The following ARHGEF7 variants were observed in gnomAD, a reference collection of about 807,000 sequenced individuals.
ARHGEF7 encodes the protein PAK-interacting exchange factor beta.
ARHGEF7 carries 33 observed loss-of-function variants against 109.8 expected under a neutral mutation model. The ratio of observed to expected loss-of-function variants is 0.30; its 90% CI spans 0.23 to 0.40. The LOEUF (loss-of-function observed/expected upper bound fraction) is 0.40, where lower values mean the gene tolerates loss of function less well. Among genes scored for constraint, ARHGEF7 ranks in the 10% least tolerant of loss-of-function variants. The pLI, the probability that ARHGEF7 is intolerant of heterozygous loss-of-function variation, is 1.00. For missense variants in ARHGEF7, 938 were observed against 1,098.5 expected, an observed-to-expected ratio of 0.85 and a Z score of 2.07; for synonymous variants, 458 against 424.6, an observed-to-expected ratio of 1.08 and a Z score of -0.97.
intron 5 of ARHGEF7, 101 bp from the exon 6 acceptor site, chr13:111,233,104 C>G (rs2086323982): frequency 2.0e-6 from 2 of 992,888 alleles, no homozygotes; most frequent in Non-Finnish European, 3.2e-6. Flanking sequence ...CTTGTTAATT[C>G]AGTGAGGCTG....
At chr13:111,151,656 G>T (rs1454525735) in intron 1 of ARHGEF7, among the ~76,000 whole-genome samples, 5 of 152,150 alleles carry the variant, frequency 3.3e-5, no homozygotes, top group African/African-American at 1.2e-4. Context: ...TTGAACTCAT[G>T]GCCAACAGCA....
intron 13 of ARHGEF7, among the ~76,000 whole-genome samples, chr13:111,279,050 C>T (rs1338920093): frequency 1.3e-5 from 2 of 152,210 alleles, no homozygotes; most frequent in South Asian, 2.1e-4. Context: ...AAAAAGTGTT[C>T]GGTCCAGCCA....
At chr13:111,231,012 A>G (rs1018747926) in intron 5 of ARHGEF7, among the ~76,000 whole-genome samples, 2 of 152,212 alleles carry the variant, frequency 1.3e-5, no homozygotes, top group Non-Finnish European at 2.9e-5. Flanking sequence ...CTTAAGTTTA[A>G]AATAACACAG....
At chr13:111,170,073 C>G (rs1464132689) in intron 2 of ARHGEF7, among the ~76,000 whole-genome samples, 3 of 152,170 alleles carry the variant, frequency 2.0e-5, no homozygotes, top group Non-Finnish European at 4.4e-5. Flanking sequence ...AGGATTTGCT[C>G]TCACAGCCAA....
chr13:111,294,947 A>G (rs2093393259), intron 19 of ARHGEF7: 1 of 985,134 alleles, frequency 1.0e-6, no homozygotes, highest in Non-Finnish European at 1.2e-6. Context: ...AAACACAGTA[A>G]TGTGTATATA....
At chr13:111,176,053 A>G (rs2078128646) in intron 2 of ARHGEF7, among the ~76,000 whole-genome samples, 1 of 152,158 alleles carries the variant, frequency 6.6e-6, no homozygotes, top group Non-Finnish European at 1.5e-5. Flanking sequence ...GGGCCCTCCC[A>G]TGACACGCAG....
At position 111,267,512 on chromosome 13, in the gene ARHGEF7, C is replaced by T. The variant is rs776973162; in HGVS notation, c.951-36C>T. The T allele has an allele frequency of 5.6e-6, 9 of 1,611,782 alleles. No individual in the cohort carries two copies. The South Asian group carries it at 8.8e-5, about 16-fold the overall frequency. On this transcript the variant is annotated intron_variant, in intron 8 of 21. Coordinates refer to ENST00000646102, the MANE Select transcript of ARHGEF7 (RefSeq NM_001354046.2). Reference sequence around the variant, plus strand: ...GTTAGCAGTTGTCCTGTCTGTAAAACTGATGACTATTTCCCTTTGTGTCGC... The same window carrying T: ...GTTAGCAGTTGTCCTGTCTGTAAAATTGATGACTATTTCCCTTTGTGTCGC...
At chr13:111,133,751 A>C (rs2074910114) in intron 1 of ARHGEF7, among the ~76,000 whole-genome samples, 3 of 124,216 alleles carry the variant, frequency 2.4e-5, no homozygotes, top group African/African-American at 6.0e-5. Flanking sequence ...GGGGCAGAGA[A>C]TCTGCTTTTC....
intron 1 of ARHGEF7, among the ~76,000 whole-genome samples, chr13:111,152,737 G>A (rs986474390): frequency 6.6e-6 from 1 of 152,216 alleles, no homozygotes; most frequent in African/African-American, 2.4e-5. Context: ...AACGCTTAAT[G>A]TCTTCACATG....
intron 1 of ARHGEF7, among the ~76,000 whole-genome samples, chr13:111,133,785 ATATATATATATATATATATATAT>A (rs2074927712): frequency 1.0e-4 from 10 of 99,950 alleles, no homozygotes; most frequent in East Asian, 4.7e-4. Context: ...ATATATATAT[ATATATATATATATATATATATAT>A]ATATATTTAT....
chr13:111,293,592 G>A, intron 19 of ARHGEF7: 1 of 985,240 alleles, frequency 1.0e-6, no homozygotes, highest in Non-Finnish European at 1.2e-6. Context: ...TTGCTTGAGG[G>A]GCCAAATTGT....
At chr13:111,191,352 T>C (rs981937550) in intron 2 of ARHGEF7, among the ~76,000 whole-genome samples, 1 of 152,170 alleles carries the variant, frequency 6.6e-6, no homozygotes, top group Non-Finnish European at 1.5e-5. Context: ...ATGGTATTCA[T>C]AGTAACAGGG....
chr13:111,268,807 G>A (rs1318074367), intron 9 of ARHGEF7, among the ~76,000 whole-genome samples: 3 of 152,198 alleles, frequency 2.0e-5, no homozygotes, highest in Non-Finnish European at 1.5e-5. Context: ...CAGGGTGAAC[G>A]CACCAAATGC....
At chr13:111,282,836 A>G (rs1306457814) in intron 15 of ARHGEF7, 1 of 495,044 alleles carries the variant, frequency 2.0e-6, no homozygotes, top group Non-Finnish European at 3.6e-6. Flanking sequence ...TATAAATGTT[A>G]CTCCGTAGCT....
intron 3 of ARHGEF7, among the ~76,000 whole-genome samples, chr13:111,206,976 G>GAAAA (rs1422580196): frequency 1.9e-4 from 18 of 93,080 alleles, no homozygotes; most frequent in African/African-American, 6.4e-4. Flanking sequence ...AAAAAAAAAA[G>GAAAA]AAAAAGAAAA....
chr13:111,157,324 C>T (rs1439100205), intron 2 of ARHGEF7, among the ~76,000 whole-genome samples: 3 of 150,492 alleles, frequency 2.0e-5, no homozygotes, highest in Admixed American at 2.0e-4. Flanking sequence ...CAAAAAACCC[C>T]TAGGCACACA....
intron 8 of ARHGEF7, among the ~76,000 whole-genome samples, chr13:111,264,210 A>G (rs949985509): frequency 3.9e-5 from 6 of 152,240 alleles, no homozygotes; most frequent in Non-Finnish European, 7.3e-5. Context: ...TGGATGAATT[A>G]GACCAGTGTT....
intron 8 of ARHGEF7, among the ~76,000 whole-genome samples, chr13:111,246,562 C>T (rs529551093): frequency 2.6e-5 from 4 of 152,300 alleles, no homozygotes; most frequent in East Asian, 1.9e-4. Flanking sequence ...TATTAGAAAC[C>T]GTAAGTGAAT....
At position 111,273,969 on chromosome 13, in the gene ARHGEF7, C is replaced by G; in HGVS notation, c.1212+17C>G. ...CACATGGAGGTACTGCGCTTTCATT[C>G]TCTTACTTGGAGTCCTTACCAAGGG... On this transcript the variant is annotated intron_variant, in intron 10 of 21. Transcript: ENST00000646102. This position sits in a 1 kb window ranked among gnomAD's most constrained non-coding sequence, Gnocchi z 4.5. 1 of 1,613,398 alleles carries G rather than the reference C, an allele frequency of 6.2e-7. No homozygotes were observed. The highest frequency in any genetic ancestry group is 1.3e-5 in the African/African-American group (1 of 75,046).
Sources: allele counts gnomAD v4.1 joint callset (sites outside exome capture counted in the v4.1 genomes callset), GRCh38; gene constraint gnomAD v4.1.1; non-coding constraint Gnocchi (gnomAD v3.1); transcripts MANE v1.5; gene names NCBI Gene and HGNC (gene_info 2026-07-23, HGNC 2026-07-21).